PDE6A: variants seen among roughly 807,000 people sequenced by gnomAD.
The protein encoded by PDE6A is rod cGMP-specific 3',5'-cyclic phosphodiesterase subunit alpha.
A neutral mutation model predicts 106.3 loss-of-function variants in PDE6A; 84 were observed. That is an observed-to-expected ratio of 0.79 (90% CI 0.66 to 0.95). The LOEUF is 0.95. Among genes scored for constraint, PDE6A ranks in the 40% least tolerant of loss-of-function variants. The probability of loss-of-function intolerance (pLI) is 0.00; values close to 1 mark genes in which losing one functional copy is unlikely to be tolerated. For synonymous variants in PDE6A, 394 were observed against 386.6 expected (o/e 1.02, Z -0.23); for missense variants, 1,052 against 1,084.9 (o/e 0.97, Z 0.43).
At position 149,896,716 on chromosome 5, in the gene PDE6A, T is replaced by C. The variant is rs150437408; in HGVS notation, c.1468A>G (p.Ile490Val). ...GCTGCCCCGGTTCAGCTCACCAGGA[T>C]CTCAGCCAGCTCCTCTTCCTCACAC... is the stretch of plus-strand genomic sequence containing the variant. The part of the protein sequence containing the change: ...WECEEEELAE[I>V]LQAELPDADK... Residue 490 changes from isoleucine (I) to valine (V), a missense_variant, in exon 11 of 22, where the codon ATC becomes GTC. Around this residue, in one of 3 missense-constraint regions of PDE6A, gnomAD observed 913 missense variants for 915.2 expected, o/e 1.00. Coordinates refer to ENST00000255266, the MANE Select transcript of PDE6A (RefSeq NM_000440.3). 5.0e-5 allele frequency: 81 copies of C among 1,614,000 alleles called. No homozygotes were observed. The highest frequency in any genetic ancestry group is 6.6e-5 in the Non-Finnish European group (78 of 1,180,028).
intron 5 of PDE6A, among the ~76,000 whole-genome samples, chr5:149,920,980 A>AAGAC (rs747863207): frequency 3.8e-5 from 5 of 133,262 alleles, no homozygotes; most frequent in African/African-American, 1.9e-4. Context: ...GAAAGAAAGA[A>AAGAC]AGAAAGAAAG....
chr5:149,876,945 A>C (rs920091765), intron 17 of PDE6A, among the ~76,000 whole-genome samples: 1 of 152,096 alleles, frequency 6.6e-6, no homozygotes, highest in African/African-American at 2.4e-5. Context: ...ATAGATAGAT[A>C]GATGATAGAT....
intron 10 of PDE6A, among the ~76,000 whole-genome samples, chr5:149,898,139 A>T (rs1265430966): frequency 1.4e-4 from 22 of 152,174 alleles, no homozygotes; most frequent in Non-Finnish European, 1.0e-4. Context: ...TGCAGTCGTT[A>T]TGTACCACTC....
intron 6 of PDE6A, 150 bp from the exon 7 acceptor site, chr5:149,907,528 C>T (rs574977967): frequency 2.9e-6 from 2 of 682,490 alleles, no homozygotes; most frequent in East Asian, 2.7e-5. Context: ...AAATGTTGGC[C>T]AACCATCTTA....
chr5:149,872,865 A>T (rs1760611615), intron 17 of PDE6A, among the ~76,000 whole-genome samples: 5 of 152,022 alleles, frequency 3.3e-5, no homozygotes, highest in Admixed American at 3.3e-4. Flanking sequence ...GAATTGGCAA[A>T]CTCTTTCTGT....
At chr5:149,910,180 C>T (rs996422179) in intron 6 of PDE6A, among the ~76,000 whole-genome samples, 1 of 146,760 alleles carries the variant, frequency 6.8e-6, no homozygotes, top group African/African-American at 2.6e-5. Flanking sequence ...TCTACTAATG[C>T]TCTTTGGTAT....
At chr5:149,918,941 A>AC (rs1182711939) in intron 5 of PDE6A, among the ~76,000 whole-genome samples, 7 of 152,302 alleles carry the variant, frequency 4.6e-5, no homozygotes, top group African/African-American at 1.7e-4. Context: ...TTTCTTAAAA[A>AC]TATTTTTAAA....
At position 149,867,760 on chromosome 5, in the gene PDE6A, C is replaced by A. The variant is rs993342286; in HGVS notation, c.2239G>T (p.Asp747Tyr). ...TGTTGCAGCACCGTGCGCTCCAGGT[C>A]ACCTTGTTCCCAGAATTCAGCAGCC... ...LVAAEFWEQG[D>Y]LERTVLQQNP... The change falls in exon 19 of 22, where the codon GAC becomes TAC. Residue 747 changes from aspartate (D) to tyrosine (Y), a missense_variant. Coordinates refer to ENST00000255266, the MANE Select transcript of PDE6A (RefSeq NM_000440.3). 5 of 1,613,880 alleles carry A rather than the reference C, an allele frequency of 3.1e-6. No individual in the cohort carries two copies. Among genetic ancestry groups the A allele is most frequent in the Non-Finnish European group, 3.4e-6 (4 of 1,180,024 alleles).
chr5:149,885,353 G>A (rs752528117), intron 14 of PDE6A, among the ~76,000 whole-genome samples: 2 of 152,176 alleles, frequency 1.3e-5, no homozygotes, highest in Non-Finnish European at 2.9e-5. Flanking sequence ...ACAGGCCATC[G>A]GCCCTGAGCG....
rs143300802 is a variant in PDE6A, at chr5:149,940,607, C to T, written c.474+3593G>A. Among the ~76,000 whole-genome samples the T allele has an allele frequency of 4.6e-5, 7 of 151,440 alleles. No individual in the cohort carries two copies. In the East Asian group the frequency reaches 1.4e-3, roughly 29 times the overall value. ...CCACCTCCCAGGTTCAAATGATTCTCCTGCCTCAGCCTCCCGAGTAGCTGG... is the reference window on the plus strand; with the variant it reads ...CCACCTCCCAGGTTCAAATGATTCTTCTGCCTCAGCCTCCCGAGTAGCTGG... On this transcript the variant is annotated intron_variant, in intron 1 of 21. Coordinates refer to ENST00000255266, the MANE Select transcript of PDE6A (RefSeq NM_000440.3).
chr5:149,895,733 T>C (rs1397741513), intron 12 of PDE6A, among the ~76,000 whole-genome samples: 1 of 152,010 alleles, frequency 6.6e-6, no homozygotes, highest in Non-Finnish European at 1.5e-5. Flanking sequence ...CAGTTTCTGA[T>C]TTATCAGAGC....
At chr5:149,898,638 C>A in intron 9 of PDE6A, 132 bp from the exon 10 acceptor site, 1 of 845,896 alleles carries the variant, frequency 1.2e-6, no homozygotes, top group East Asian at 2.6e-5. Flanking sequence ...GTGTGCTGCC[C>A]ACCTTGCGGA....
In PDE6A at chr5:149,884,832, G is replaced by A. The variant is rs201535083; in HGVS notation, c.1874C>T (p.Ser625Phe). Residue 625 changes from serine (S) to phenylalanine (F), a missense_variant, in exon 15 of 22, where the codon TCT (serine) becomes TTT (phenylalanine). Physicochemically the swap from Ser to Phe is radical, Grantham distance 155. Coordinates refer to ENST00000255266, the MANE Select transcript of PDE6A (RefSeq NM_000440.3). ...CTCCAAGTGGTGTCTTTCCAAGATAGAGGACCCATGGAGCTTGGCCAGTGG... is the reference window on the plus strand; with the variant it reads ...CTCCAAGTGGTGTCTTTCCAAGATAAAGGACCCATGGAGCTTGGCCAGTGG... ...QNPLAKLHGS[S>F]ILERHHLEFG... 189 of 1,614,088 alleles carry A rather than the reference G, an allele frequency of 1.2e-4. 1 individual carries two copies. The highest frequency in any genetic ancestry group is 1.5e-4 in the Non-Finnish European group (180 of 1,180,030).
In PDE6A at chr5:149,899,462, G is replaced by A; in HGVS notation, c.1176C>T (p.Asn392=). 1.9e-6 allele frequency: 3 copies of A among 1,613,996 alleles called. No homozygotes were observed. Among genetic ancestry groups the A allele is most frequent in the Non-Finnish European group, 2.5e-6 (3 of 1,179,914 alleles). The change falls in exon 9 of 22, where the codon AAC becomes AAT. Residue 392 remains asparagine (N), a synonymous_variant. Coordinates refer to ENST00000255266, the MANE Select transcript of PDE6A (RefSeq NM_000440.3). The stretch of plus-strand genomic sequence containing the variant: ...CCACTCCAACAATTTCTTCCTTCTT[G>A]TTCACAATCGGCATTGAAAGCACAT... ...IKNVLSMPIV[N]KKEEIVGVAT... is the part of the protein sequence containing the mutation.
In PDE6A at chr5:149,862,529, C is replaced by T. The variant is rs371406015; in HGVS notation, c.2506+590G>A. Among the ~76,000 whole-genome samples the T allele has an allele frequency of 9.2e-5, 14 of 152,242 alleles. No homozygotes were observed. The South Asian group carries it at 1.2e-3, about 14-fold the overall frequency. On this transcript the variant is annotated intron_variant, in intron 21 of 21. Coordinates refer to ENST00000255266, the MANE Select transcript of PDE6A (RefSeq NM_000440.3). Reference sequence around the variant, plus strand: ...ATCCCAACACTTTGAGAGGCCGAGGCGGGTGGATCACCTGAGGTCAGGAGT... The same window carrying T: ...ATCCCAACACTTTGAGAGGCCGAGGTGGGTGGATCACCTGAGGTCAGGAGT...
chr5:149,886,490 G>A, intron 13 of PDE6A, 116 bp from the exon 14 acceptor site: 1 of 767,866 alleles, frequency 1.3e-6, no homozygotes. Context: ...GTCTGATCTT[G>A]GCTGTATCCT....
Position 149,868,195 on chromosome 5 carries a change from A to G in PDE6A, c.2136-37T>C, listed in dbSNP as rs375189945. 64 of 1,586,236 alleles carry G rather than the reference A, an allele frequency of 4.0e-5. 1 individual carries two copies. In the Middle Eastern group the frequency reaches 6.6e-4, roughly 16 times the overall value. Reference sequence around the variant, plus strand: ...GGACACCCTCTATCAGTCCAGGGCCATTTAAGACTTCATGTACTGGTTAAT... The same window carrying G: ...GGACACCCTCTATCAGTCCAGGGCCGTTTAAGACTTCATGTACTGGTTAAT... On this transcript the variant is annotated intron_variant, in intron 17 of 21. Coordinates refer to ENST00000255266, the MANE Select transcript of PDE6A (RefSeq NM_000440.3).
intron 1 of PDE6A, among the ~76,000 whole-genome samples, chr5:149,935,235 T>A (rs1299629534): frequency 6.7e-6 from 1 of 149,872 alleles, no homozygotes; most frequent in African/African-American, 2.4e-5. Context: ...GTTAATGTCA[T>A]GTGTGTAGAT....
chr5:149,901,690 C>T (rs562199456), intron 8 of PDE6A, among the ~76,000 whole-genome samples: 7 of 152,228 alleles, frequency 4.6e-5, no homozygotes, highest in East Asian at 1.9e-4. Context: ...GTAAAGACTA[C>T]GTTCTGCTGT....
Sources: allele counts gnomAD v4.1 joint callset (sites outside exome capture counted in the v4.1 genomes callset), GRCh38; gene constraint gnomAD v4.1.1; regional missense constraint gnomAD v4.1.1; transcripts MANE v1.5; gene names NCBI Gene and HGNC (gene_info 2026-07-23, HGNC 2026-07-21).